The following CFAP70 variants were observed in gnomAD, a reference collection of about 807,000 sequenced individuals.
CFAP70 encodes cilia and flagella associated protein 70, also known as cilia- and flagella-associated protein 70.
In CFAP70, 81 loss-of-function variants were observed where a neutral mutation model predicts 137.6. That is an observed-to-expected ratio of 0.59 (90% confidence interval 0.49 to 0.71). The LOEUF is 0.71. Among genes scored for constraint, CFAP70 ranks in the 30% least tolerant of loss-of-function variants. The probability of loss-of-function intolerance (pLI) is 0.00; values close to 1 mark genes in which losing one functional copy is unlikely to be tolerated. For missense variants in CFAP70, 976 were observed against 1,226.7 expected, an observed-to-expected ratio of 0.80 and a Z score of 3.05; for synonymous variants, 382 against 423.6, an observed-to-expected ratio of 0.90 and a Z score of 1.20.
chr10:73,342,072 G>A (rs1178713646), intron 5 of CFAP70, among the ~76,000 whole-genome samples: 1 of 152,156 alleles, frequency 6.6e-6, no homozygotes, highest in East Asian at 1.9e-4. Context: ...AATCTGGCAA[G>A]GGGCTAAAAA....
intron 19 of CFAP70, among the ~76,000 whole-genome samples, chr10:73,284,923 A>G (rs2047574328): frequency 6.7e-6 from 1 of 149,822 alleles, no homozygotes; most frequent in Non-Finnish European, 1.5e-5. Flanking sequence ...CTTTCAAATT[A>G]CTGTTTTAAA....
intron 22 of CFAP70, 176 bp from the exon 24 acceptor site, chr10:73,274,770 A>C: frequency 1.6e-6 from 1 of 609,016 alleles, no homozygotes. Flanking sequence ...TTAATTGTAC[A>C]AGGAGACATT....
chr10:73,297,801 ATAT>A (rs1244893797), intron 14 of CFAP70, among the ~76,000 whole-genome samples: 1 of 152,168 alleles, frequency 6.6e-6, no homozygotes, highest in Non-Finnish European at 1.5e-5. Flanking sequence ...TCCATGCATT[ATAT>A]TATTTAATTC....
intron 25 of CFAP70, among the ~76,000 whole-genome samples, chr10:73,259,062 G>A (rs1016772868): frequency 2.0e-5 from 3 of 151,908 alleles, no homozygotes; most frequent in Admixed American, 6.6e-5. Context: ...CACCCTATTC[G>A]TACACCCCTC....
intron 15 of CFAP70, chr10:73,293,632 A>T (rs567692109): frequency 1.8e-4 from 63 of 343,074 alleles, no homozygotes; most frequent in African/African-American, 9.3e-4. Context: ...GTAAGTAAAA[A>T]TTGCTTAGGG....
intron 19 of CFAP70, among the ~76,000 whole-genome samples, chr10:73,287,154 TGATCA>T (rs2047787803): frequency 6.6e-6 from 1 of 152,212 alleles, no homozygotes; most frequent in Non-Finnish European, 1.5e-5. Context: ...GTAGTCACTG[TGATCA>T]AGAAGATAAA....
chr10:73,255,273 G>A (rs2044366373), intron 26 of CFAP70, among the ~76,000 whole-genome samples: 1 of 152,122 alleles, frequency 6.6e-6, no homozygotes, highest in African/African-American at 2.4e-5. Context: ...GCGGGCGGCT[G>A]TAGTCCCAGC....
chr10:73,322,172 A>G (rs1341080390), intron 9 of CFAP70, among the ~76,000 whole-genome samples: 1 of 152,224 alleles, frequency 6.6e-6, no homozygotes. Context: ...TTTAAAGTAT[A>G]TCATTTCATC....
chr10:73,315,329 T>C (rs1180487512), intron 9 of CFAP70, among the ~76,000 whole-genome samples: 1 of 152,206 alleles, frequency 6.6e-6, no homozygotes, highest in Non-Finnish European at 1.5e-5. Context: ...GTAGTTAATT[T>C]CTTTTCACTG....
intron 8 of CFAP70, among the ~76,000 whole-genome samples, chr10:73,325,130 C>A (rs568291960): frequency 1.3e-5 from 2 of 152,040 alleles, no homozygotes; most frequent in Non-Finnish European, 2.9e-5. Flanking sequence ...AGACTAACAG[C>A]GGATCTGTTG....
At chr10:73,291,263 A>C in exon 19 of CFAP70, 1 of 1,614,162 alleles carries the variant, frequency 6.2e-7, no homozygotes, top group Non-Finnish European at 8.5e-7. Flanking sequence ...TTGCAGAACC[A>C]TTTGTGATTC....
intron 3 of CFAP70, among the ~76,000 whole-genome samples, chr10:73,349,784 ATTT>A (rs1226475789): frequency 1.3e-5 from 2 of 152,054 alleles, no homozygotes; most frequent in African/African-American, 4.8e-5. Context: ...AAATTTAACA[ATTT>A]TTTTGCTTCA....
rs202144432 is a variant in CFAP70, at chr10:73,302,868, T to TTTTTC, written c.1257-3208_1257-3204dup. 2.7e-3 allele frequency among the ~76,000 whole-genome samples: 406 copies of TTTTTC among 148,196 alleles called. 9 individuals are homozygous for TTTTTC. The highest frequency in any genetic ancestry group is 7.1e-3 in the South Asian group (33 of 4,668). On this transcript the variant is annotated intron_variant, in intron 12 of 26. Transcript: ENST00000310715. The stretch of plus-strand genomic sequence containing the variant: ...TTACAAGTATTGACTATAATTTTCT[T>TTTTTC]TTTTCTTTTCTTTTCTTTTTTTTTT...
At chr10:73,258,351 G>T (rs2044737729) in intron 25 of CFAP70, among the ~76,000 whole-genome samples, 1 of 152,118 alleles carries the variant, frequency 6.6e-6, no homozygotes. Flanking sequence ...AACATAAATT[G>T]TGAAGATTTC....
chr10:73,299,807 G>A (rs12257098), intron 12 of CFAP70, 142 bp from the exon 14 acceptor site: 65,888 of 568,742 alleles, frequency 0.12, 6,357 homozygotes, highest in African/African-American at 0.32. Flanking sequence ...GCACTGTGCT[G>A]TTCTCTCATG....
At position 73,300,660 on chromosome 10, in the gene CFAP70, C is replaced by T. The variant is rs760265570; in HGVS notation, c.1257-995G>A. On this transcript the variant is annotated intron_variant, in intron 12 of 26. Transcript: ENST00000310715. Reference sequence around the variant, plus strand: ...GGTGGATTGCCTGAGCTTAGGAGTTCGAGACCAGCCTGAGAAACATAGTGA... The same window carrying T: ...GGTGGATTGCCTGAGCTTAGGAGTTTGAGACCAGCCTGAGAAACATAGTGA... 7.9e-5 allele frequency among the ~76,000 whole-genome samples: 12 copies of T among 152,078 alleles called. No individual in the cohort carries two copies. In the South Asian group the frequency reaches 1.7e-3, roughly 21 times the overall value.
intron 3 of CFAP70, among the ~76,000 whole-genome samples, chr10:73,351,063 GTGTGTGTGTATATA>G (rs1294762595): frequency 7.0e-5 from 4 of 57,036 alleles, no homozygotes; most frequent in African/African-American, 2.9e-4. Context: ...GTGTGTGTGT[GTGTGTGTGTATATA>G]TATATATATA....
At chr10:73,331,425 A>C (rs2052070418) in intron 7 of CFAP70, 149 bp from the exon 9 acceptor site, 1 of 622,434 alleles carries the variant, frequency 1.6e-6, no homozygotes, top group Non-Finnish European at 2.7e-6. Context: ...CATGCCTGTA[A>C]ATGCCAGCAC....
At chr10:73,261,447 A>G (rs1167026564) in intron 25 of CFAP70, among the ~76,000 whole-genome samples, 1 of 152,116 alleles carries the variant, frequency 6.6e-6, no homozygotes, top group Non-Finnish European at 1.5e-5. Flanking sequence ...TCATGGTGGA[A>G]GGCAAAGAGG....
Sources: allele counts gnomAD v4.1 joint callset (sites outside exome capture counted in the v4.1 genomes callset), GRCh38; gene constraint gnomAD v4.1.1; transcripts MANE v1.5; gene names NCBI Gene and HGNC (gene_info 2026-07-23, HGNC 2026-07-21).